Variants in FGF1 observed in about 807,000 individuals in gnomAD.
FGF1 encodes the protein fibroblast growth factor 1, also known as beta-endothelial cell growth factor.
A neutral mutation model predicts 13.4 loss-of-function variants in FGF1; 9 were observed. The ratio of observed to expected loss-of-function variants is 0.67; its 90% CI spans 0.40 to 1.17. The LOEUF is 1.17. Ranked by LOEUF, FGF1 falls within the 50% of genes most tolerant of loss-of-function variation. The pLI is 0.01. For synonymous variants in FGF1, 93 were observed against 79.0 expected, an observed-to-expected ratio of 1.18 and a Z score of -0.94; for missense variants, 156 against 192.7, an observed-to-expected ratio of 0.81 and a Z score of 1.13.
intron 1 of FGF1, among the ~76,000 whole-genome samples, chr5:142,679,078 T>C (rs1773208683): frequency 1.3e-5 from 2 of 152,146 alleles, no homozygotes; most frequent in African/African-American, 4.8e-5. Context: ...TTCGTTGAAA[T>C]GAGAGACTGC....
intron 2 of FGF1, among the ~76,000 whole-genome samples, chr5:142,693,030 T>C (rs1752486029): frequency 6.6e-6 from 1 of 152,210 alleles, no homozygotes. Flanking sequence ...GTAGTGAGAC[T>C]GATTCTAAAA....
intron 1 of FGF1, among the ~76,000 whole-genome samples, chr5:142,654,795 C>T (rs112378256): frequency 7.2e-5 from 11 of 152,182 alleles, no homozygotes; most frequent in Admixed American, 1.3e-4. Flanking sequence ...CTTTGCCTGG[C>T]GAGTGGGCCC....
At chr5:142,613,197 C>G (rs930666184) in intron 2 of FGF1, among the ~76,000 whole-genome samples, 15 of 152,212 alleles carry the variant, frequency 9.9e-5, no homozygotes, top group African/African-American at 3.6e-4. Context: ...CACCTAATAT[C>G]AAACATACAC....
chr5:142,634,029 C>A (rs187499), intron 1 of FGF1, among the ~76,000 whole-genome samples: 76,209 of 143,812 alleles, frequency 0.53, 20,073 homozygotes, highest in Middle Eastern at 0.58. Context: ...CTAAAAATAC[C>A]AAAAAAAAAA....
At chr5:142,669,075 C>G (rs578015073) in intron 1 of FGF1, among the ~76,000 whole-genome samples, 1 of 152,188 alleles carries the variant, frequency 6.6e-6, no homozygotes, top group Non-Finnish European at 1.5e-5. Flanking sequence ...TGCCGCTGAG[C>G]GGGGGGTTTT....
Position 142,592,672 on chromosome 5 carries a change from T to G in FGF1, c.*2618A>C. On this transcript the variant is annotated 3_prime_UTR_variant, in exon 4 of 4. Transcript: ENST00000337706. ...AGCAGGGAACTACCAACCTCTTCCT[T>G]CTAAGAAGATCTGACAGGCTCTTTG... 1 of 383,466 alleles carries G rather than the reference T, an allele frequency of 2.6e-6. No individual in the cohort carries two copies. Among genetic ancestry groups the G allele is most frequent in the Non-Finnish European group, 4.6e-6 (1 of 216,802 alleles). The allele number at this position is 383,466 out of a possible 1,614,324, so 23.8% of individuals were successfully genotyped here. A position where few individuals can be genotyped will look rare whatever the true frequency, so the allele number is the denominator to read the frequency against.
chr5:142,613,626 C>T (rs1759551327), intron 2 of FGF1, among the ~76,000 whole-genome samples: 1 of 152,190 alleles, frequency 6.6e-6, no homozygotes, highest in African/African-American at 2.4e-5. Context: ...GCGTGCAGGC[C>T]CCTGACTAGC....
At chr5:142,668,016 G>A (rs1770759603) in intron 1 of FGF1, among the ~76,000 whole-genome samples, 1 of 152,202 alleles carries the variant, frequency 6.6e-6, no homozygotes, top group Non-Finnish European at 1.5e-5. Context: ...GACCTGTCTG[G>A]AGCTGAGCAG....
intron 1 of FGF1, among the ~76,000 whole-genome samples, chr5:142,638,514 C>T (rs1177783946): frequency 6.6e-6 from 1 of 152,040 alleles, no homozygotes; most frequent in Admixed American, 6.5e-5. Context: ...TGTTGACTCA[C>T]ACAAAGTACA....
At chr5:142,642,396 G>A (rs1049862586) in intron 1 of FGF1, among the ~76,000 whole-genome samples, 9 of 152,220 alleles carry the variant, frequency 5.9e-5, no homozygotes, top group African/African-American at 2.2e-4. Flanking sequence ...ATAGTTCTGT[G>A]GGGCCTTTTC....
chr5:142,598,056 A>G (rs1376515091), intron 3 of FGF1, among the ~76,000 whole-genome samples: 1 of 152,204 alleles, frequency 6.6e-6, no homozygotes, highest in Admixed American at 6.5e-5. Flanking sequence ...ATTTTATTGG[A>G]TGACTCTGCT....
At chr5:142,632,515 C>T (rs1027120305) in intron 1 of FGF1, among the ~76,000 whole-genome samples, 3 of 152,192 alleles carry the variant, frequency 2.0e-5, no homozygotes, top group Non-Finnish European at 4.4e-5. Context: ...AGTCCACTTA[C>T]AAACCCTTAA....
intron 1 of FGF1, among the ~76,000 whole-genome samples, chr5:142,643,084 A>G (rs566038958): frequency 3.9e-5 from 6 of 152,150 alleles, no homozygotes; most frequent in Non-Finnish European, 8.8e-5. Flanking sequence ...ACTATATCCA[A>G]CGCACCCCAG....
intron 1 of FGF1, among the ~76,000 whole-genome samples, chr5:142,629,893 ATATT>A (rs1763071928): frequency 1.7e-5 from 2 of 120,062 alleles, no homozygotes; most frequent in South Asian, 2.4e-4. Flanking sequence ...ATATATATAT[ATATT>A]TTTTTTTTTT....
upstream of FGF1, among the ~76,000 whole-genome samples, chr5:142,687,904 C>G (rs1329127093): frequency 6.6e-6 from 1 of 152,220 alleles, no homozygotes; most frequent in Non-Finnish European, 1.5e-5. Flanking sequence ...TCCAGATTCC[C>G]CCCCTCCTAG....
At chr5:142,617,628 G>C (rs4912644) in intron 1 of FGF1, among the ~76,000 whole-genome samples, 12,876 of 152,084 alleles carry the variant, frequency 0.085, 767 homozygotes, top group African/African-American at 0.17. Context: ...AAACCCTTCA[G>C]ATCCACAACT....
chr5:142,638,888 A>G (rs1157184893), intron 1 of FGF1, among the ~76,000 whole-genome samples: 2 of 152,084 alleles, frequency 1.3e-5, no homozygotes. Context: ...TCAAAAGAAG[A>G]CATACAAATG....
intron 1 of FGF1, among the ~76,000 whole-genome samples, chr5:142,662,001 A>AAAAAAAC (rs555060176): frequency 6.6e-6 from 1 of 152,130 alleles, no homozygotes; most frequent in Non-Finnish European, 1.5e-5. Context: ...CTGCGTCTCA[A>AAAAAAAC]AAAAAACAAA....
rs1400211967 is a variant in FGF1 at position 142,677,897 on chromosome 5, G to A, written c.-35+8060C>T. ...ATTGACAAGAAAATTACGAATTGAG[G>A]TAAGCGGCATGAAGGAAAAATAAGT... On this transcript the variant is annotated intron_variant, in intron 1 of 3. Coordinates refer to ENST00000337706, the MANE Select transcript of FGF1 (RefSeq NM_000800.5). Among the ~76,000 whole-genome samples, 3 of 152,216 alleles carry A rather than the reference G, an allele frequency of 2.0e-5. No homozygotes were observed. The East Asian group carries it at 5.8e-4, about 29-fold the overall frequency.
Sources: gnomAD v4.1 joint callset for allele counts (sites outside exome capture counted in the v4.1 genomes callset) on GRCh38, gnomAD v4.1.1 for gene constraint, MANE v1.5 for transcripts, NCBI Gene and HGNC (gene_info 2026-07-23, HGNC 2026-07-21) for gene names.